IKBKB: variants seen among roughly 807,000 people sequenced by gnomAD.
The protein encoded by IKBKB is inhibitor of nuclear factor kappa B kinase subunit beta.
IKBKB carries 42 observed loss-of-function variants against 113.6 expected under a neutral mutation model. That is an observed-to-expected ratio of 0.37 (90% CI 0.29 to 0.48). IKBKB has a LOEUF of 0.48. Among genes scored for constraint, IKBKB ranks in the 20% least tolerant of loss-of-function variants. IKBKB has a pLI of 0.99. For missense variants in IKBKB, 673 were observed against 939.7 expected, an observed-to-expected ratio of 0.72 and a Z score of 3.71; for synonymous variants, 296 against 361.3, an observed-to-expected ratio of 0.82 and a Z score of 2.05.
At chr8:42,304,465 C>G (rs1393178476) in intron 5 of IKBKB, among the ~76,000 whole-genome samples, 1 of 152,126 alleles carries the variant, frequency 6.6e-6, no homozygotes, top group East Asian at 1.9e-4. Flanking sequence ...GCTTCCGTAG[C>G]CAGTGTTGTG....
chr8:42,301,550 T>C (rs1815210946), intron 5 of IKBKB, among the ~76,000 whole-genome samples: 2 of 152,244 alleles, frequency 1.3e-5, no homozygotes, highest in Admixed American at 6.5e-5. Context: ...AATTTTTACA[T>C]TTCAGTCCCA....
rs1167031793 is a variant in IKBKB at position 42,330,702 on chromosome 8, G to T, written c.2206-212G>T. On this transcript the variant is annotated intron_variant, in intron 21 of 21. Transcript: ENST00000520810. ...ATTTTGTATTTTTAGTAGAAATGGG[G>T]TTTCACCATTTTGGCCAGGCTGGTC... The T allele has an allele frequency of 2.8e-5, 13 of 458,582 alleles. No individual in the cohort carries two copies. The East Asian group carries it at 2.0e-3, about 72-fold the overall frequency. 28.4% of individuals were successfully genotyped at this position (458,582 alleles called of 1,614,324 possible). A position where few individuals can be genotyped will look rare whatever the true frequency, so the allele number is the denominator to read the frequency against.
chr8:42,326,254 C>G (rs1269757245), intron 20 of IKBKB, 157 bp downstream of exon 20: 2 of 848,442 alleles, frequency 2.4e-6, no homozygotes, highest in African/African-American at 3.4e-5. Context: ...AAAAGTGATA[C>G]ATGTTTGGCT....
At chr8:42,308,772 G>A (rs1354818604) in intron 7 of IKBKB, 129 bp from the exon 8 acceptor site, 9 of 816,362 alleles carry the variant, frequency 1.1e-5, no homozygotes, top group African/African-American at 3.4e-5. Context: ...TGCCCTCCTC[G>A]CCCTGCATGC....
At chr8:42,277,091 C>T (rs1440351553) in intron 2 of IKBKB, among the ~76,000 whole-genome samples, 1 of 151,466 alleles carries the variant, frequency 6.6e-6, no homozygotes, top group African/African-American at 2.4e-5. Flanking sequence ...AGGACGGTCT[C>T]AATCTCCTGA....
intron 2 of IKBKB, among the ~76,000 whole-genome samples, chr8:42,273,032 A>G (rs1198535234): frequency 6.6e-6 from 1 of 151,524 alleles, no homozygotes; most frequent in African/African-American, 2.4e-5. Flanking sequence ...TTGCTTGTCC[A>G]GGAGTTTGAG....
rs201441801 is a variant in IKBKB, at chr8:42,331,285, G to C, written c.*306G>C. 1 of 702,242 alleles carries C rather than the reference G, an allele frequency of 1.4e-6. No individual in the cohort carries two copies. Among genetic ancestry groups the C allele is most frequent in the Non-Finnish European group, 2.6e-6 (1 of 385,258 alleles). The allele number at this position is 702,242 out of a possible 1,614,324, so 43.5% of individuals were successfully genotyped here. A position where few individuals can be genotyped will look rare whatever the true frequency, so the allele number is the denominator to read the frequency against. ...CCATTACAGAGGCCCAGCGCACATC[G>C]CTGGCCCCACAAACGTTCAGGGGTA... is the stretch of plus-strand genomic sequence containing the variant. On this transcript the variant is annotated 3_prime_UTR_variant, in exon 22 of 22. Transcript: ENST00000520810.
rs1818618111 is a variant in IKBKB at position 42,316,030 on chromosome 8, C to G, written c.801-180C>G. On this transcript the variant is annotated intron_variant, in intron 9 of 21. Transcript: ENST00000520810. This position sits in a 1 kb window ranked among gnomAD's most constrained non-coding sequence, Gnocchi z 4.5. Reference sequence around the variant, plus strand: ...TCTGATTTGGGGGTATTTTAGAATTCAGGAGAGAGGTGTGAACACCTGAAT... The same window carrying G: ...TCTGATTTGGGGGTATTTTAGAATTGAGGAGAGAGGTGTGAACACCTGAAT... Among the ~76,000 whole-genome samples the G allele has an allele frequency of 6.6e-6, 1 of 152,170 alleles. No individual in the cohort carries two copies. The highest frequency in any genetic ancestry group is 2.1e-4 in the South Asian group (1 of 4,826).
At chr8:42,294,699 A>T (rs898971487) in intron 5 of IKBKB, among the ~76,000 whole-genome samples, 3 of 152,214 alleles carry the variant, frequency 2.0e-5, no homozygotes, top group Non-Finnish European at 4.4e-5. Flanking sequence ...TTGACATTAC[A>T]TCAGTTTTAT....
chr8:42,279,006 A>AG (rs1374485987), intron 2 of IKBKB, among the ~76,000 whole-genome samples: 5 of 151,972 alleles, frequency 3.3e-5, no homozygotes, highest in South Asian at 2.1e-4. Context: ...GAAAAAAAAA[A>AG]AGAGAGAGAG....
At chr8:42,292,125 G>A (rs755578193) in intron 4 of IKBKB, among the ~76,000 whole-genome samples, 4 of 152,136 alleles carry the variant, frequency 2.6e-5, no homozygotes, top group East Asian at 1.9e-4. Flanking sequence ...ACAGCACTTC[G>A]ATTTTCTCCT....
chr8:42,293,505 T>C lies in IKBKB; in HGVS notation c.381T>C (p.Ser127=). The C allele has an allele frequency of 6.2e-7, 1 of 1,614,044 alleles. No homozygotes were observed. The change falls in exon 5 of 22, where the codon AGT becomes AGC. Residue 127 remains serine, a synonymous_variant. Transcript: ENST00000520810. ...LREGAILTLL[S]DIASALRYLH... is the part of the protein sequence containing the mutation. Reference sequence around the variant, plus strand: ...AAGGTGCCATCCTCACCTTGCTGAGTGACATTGGTAAATCCCAGTCCCGGA... The same window carrying C: ...AAGGTGCCATCCTCACCTTGCTGAGCGACATTGGTAAATCCCAGTCCCGGA...
At chr8:42,318,821 G>A (rs564535432) in intron 13 of IKBKB, 146 bp downstream of exon 13, 2 of 792,486 alleles carry the variant, frequency 2.5e-6, no homozygotes, top group Admixed American at 5.9e-5. Context: ...ACGGGAAGCG[G>A]TTGGGTGGGC....
rs181286608 is a variant in IKBKB at position 42,330,428 on chromosome 8, C to T, written c.2206-486C>T. 1.2e-3 allele frequency: 553 copies of T among 463,306 alleles called. 4 individuals carry two copies. Among genetic ancestry groups the T allele is most frequent in the African/African-American group, 0.011 (518 of 47,232 alleles). 28.7% of individuals were successfully genotyped at this position (463,306 alleles called of 1,614,324 possible). ...CTTGAACTCCTGGCCTCAAGCGATCCGCTCGCCTCTGCCTCCCAAAGTGCT... is the reference window on the plus strand; with the variant it reads ...CTTGAACTCCTGGCCTCAAGCGATCTGCTCGCCTCTGCCTCCCAAAGTGCT... On this transcript the variant is annotated intron_variant, in intron 21 of 21. Transcript: ENST00000520810.
intron 5 of IKBKB, among the ~76,000 whole-genome samples, chr8:42,294,669 G>A (rs1246065600): frequency 1.3e-5 from 2 of 152,222 alleles, no homozygotes; most frequent in Non-Finnish European, 2.9e-5. Context: ...CCTTTGGGTG[G>A]AGTTCACATG....
chr8:42,272,172 G>C lies in IKBKB; in HGVS notation c.72G>C (p.Gly24=), dbSNP rs774657314. 2 of 1,614,186 alleles carry C rather than the reference G, an allele frequency of 1.2e-6. No homozygotes were observed. Among genetic ancestry groups the C allele is most frequent in the Non-Finnish European group, 1.7e-6 (2 of 1,180,042 alleles). The part of the protein sequence containing the change: ...AWEMKERLGT[G]GFGNVIRWHN... ...AAATGAAAGAGCGCCTTGGGACAGG[G>C]GGATTTGGAAATGTCATCCGATGGC... is the stretch of plus-strand genomic sequence containing the variant. The change falls in exon 2 of 22, where the codon GGG becomes GGC. Residue 24 remains glycine, a synonymous_variant. Coordinates refer to ENST00000520810, the MANE Select transcript of IKBKB (RefSeq NM_001556.3).
rs186203343 is a variant in IKBKB at position 42,316,296 on chromosome 8, C to T, written c.887C>T (p.Pro296Leu). The T allele has an allele frequency of 8.4e-5, 135 of 1,614,100 alleles. No individual in the cohort carries two copies. The African/African-American group carries it at 1.6e-3, about 19-fold the overall frequency. The change falls in exon 10 of 22, where the codon CCC (proline) becomes CTC (leucine). Residue 296 changes from proline (P) to leucine (L), a missense_variant. Physicochemically the swap from Pro to Leu is moderately conservative, Grantham distance 98. This residue lies in a region of IKBKB where 506 missense variants were observed against 638.7 expected (regional missense o/e 0.79). Coordinates refer to ENST00000520810, the MANE Select transcript of IKBKB (RefSeq NM_001556.3). The surrounding 1 kb of genome is among the most constrained non-coding windows in gnomAD (Gnocchi z 4.5). ...RQRGTDPTYGPNGCFKALDDI... is the reference protein window; with the variant it reads ...RQRGTDPTYGLNGCFKALDDI... ...AGGGGCACGGATCCCACGTATGGGCCCAATGGCTGCTTCAAGGCCCTGGAT... is the reference window on the plus strand; with the variant it reads ...AGGGGCACGGATCCCACGTATGGGCTCAATGGCTGCTTCAAGGCCCTGGAT...
chr8:42,300,826 T>C (rs1815039319), intron 5 of IKBKB, among the ~76,000 whole-genome samples: 6 of 152,224 alleles, frequency 3.9e-5, no homozygotes. Context: ...GTGTTTTTCC[T>C]GCATACACTG....
At chr8:42,292,573 T>C (rs1406086541) in intron 4 of IKBKB, among the ~76,000 whole-genome samples, 2 of 152,162 alleles carry the variant, frequency 1.3e-5, no homozygotes, top group South Asian at 4.1e-4. Flanking sequence ...CATGGGGACA[T>C]GTAAGAGTCG....
Sources: allele counts gnomAD v4.1 joint callset (sites outside exome capture counted in the v4.1 genomes callset), GRCh38; gene constraint gnomAD v4.1.1; regional missense constraint gnomAD v4.1.1; non-coding constraint Gnocchi (gnomAD v3.1); transcripts MANE v1.5; gene names NCBI Gene and HGNC (gene_info 2026-07-23, HGNC 2026-07-21).